The following HSP90B1 variants were observed in gnomAD, a reference collection of about 807,000 sequenced individuals.
HSP90B1 encodes the protein endoplasmin.
HSP90B1 carries 27 observed loss-of-function variants against 100.4 expected under a neutral mutation model. The ratio of observed to expected loss-of-function variants is 0.27; its 90% CI spans 0.20 to 0.37. HSP90B1 has a LOEUF of 0.37. Among genes scored for constraint, HSP90B1 ranks in the 10% least tolerant of loss-of-function variants. HSP90B1 has a pLI of 1.00. For missense variants in HSP90B1, 678 were observed against 960.5 expected (o/e 0.71, Z 3.89); for synonymous variants, 304 against 330.8 (o/e 0.92, Z 0.88).
At position 103,942,563 on chromosome 12, in the gene HSP90B1, A is replaced by G. The variant is rs778817387; in HGVS notation, c.1411A>G (p.Met471Val). 8 of 1,613,872 alleles carry G rather than the reference A, an allele frequency of 5.0e-6. No homozygotes were observed. The highest frequency in any genetic ancestry group is 2.2e-5 in the East Asian group (1 of 44,896). ...RKKLVRKTLD[M>V]IKKIADDKYN... is the part of the protein sequence containing the mutation. Reference sequence around the variant, plus strand: ...GAAGCTTGTTCGTAAAACGCTGGACATGATCAAGAAGATTGCTGATGATAA... The same window carrying G: ...GAAGCTTGTTCGTAAAACGCTGGACGTGATCAAGAAGATTGCTGATGATAA... Residue 471 changes from methionine to valine, a missense_variant, in exon 12 of 18, where the codon ATG becomes GTG. Physicochemically the swap from Met to Val is conservative, Grantham distance 21. This residue lies in a region of HSP90B1 where 170 missense variants were observed against 236.7 expected (regional missense o/e 0.72). Coordinates refer to ENST00000299767, the MANE Select transcript of HSP90B1 (RefSeq NM_003299.3).
At position 103,933,987 on chromosome 12, in the gene HSP90B1, C is replaced by G; in HGVS notation, c.443C>G (p.Thr148Arg). The change falls in exon 5 of 18, where the codon ACA becomes AGA. Residue 148 changes from threonine to arginine, a missense_variant. This residue lies in a region of HSP90B1 where 238 missense variants were observed against 346.7 expected (regional missense o/e 0.69). Transcript: ENST00000299767. ...AAGGAGAAGAACCTGCTGCATGTCA[C>G]AGACACCGGTGTAGGAATGACCAGA... ...CDKEKNLLHV[T>R]DTGVGMTREE... is the part of the protein sequence containing the mutation. 1.2e-6 allele frequency: 2 copies of G among 1,613,936 alleles called. No individual in the cohort carries two copies. The highest frequency in any genetic ancestry group is 1.1e-5 in the South Asian group (1 of 91,080).
intron 2 of HSP90B1, chr12:103,932,067 A>AT (rs1555270982): frequency 2.0e-6 from 1 of 499,204 alleles, no homozygotes; most frequent in Non-Finnish European, 3.5e-6. Flanking sequence ...TTTTCTGGCA[A>AT]TTTTAAGAAC....
intron 5 of HSP90B1, among the ~76,000 whole-genome samples, chr12:103,935,773 C>G (rs3794239): frequency 0.064 from 9,709 of 152,188 alleles, 421 homozygotes; most frequent in East Asian, 0.18. Context: ...CAATCATTCC[C>G]AAGGAAAGAT....
Position 103,932,379 on chromosome 12 carries a change from G to A in HSP90B1, c.255G>A (p.Met85Ile), listed in dbSNP as rs770047423. Reference protein sequence around the residue: ...KFAFQAEVNRMMKLIINSLYK... With the variant: ...KFAFQAEVNRIMKLIINSLYK... ...CCTTCCAAGCCGAAGTTAACAGAAT[G>A]ATGAAACTTATCATCAATTCATTGT... The change falls in exon 3 of 18, where the codon ATG (methionine) becomes ATA (isoleucine). Residue 85 changes from methionine to isoleucine, a missense_variant. Around this residue, in one of 8 missense-constraint regions of HSP90B1, gnomAD observed 238 missense variants for 346.7 expected, o/e 0.69. Coordinates refer to ENST00000299767, the MANE Select transcript of HSP90B1 (RefSeq NM_003299.3). 3 of 1,612,646 alleles carry A rather than the reference G, an allele frequency of 1.9e-6. No homozygotes were observed. The highest frequency in any genetic ancestry group is 1.3e-5 in the African/African-American group (1 of 74,862).
rs748475361 is a variant in HSP90B1 at position 103,941,609 on chromosome 12, CT to C, written c.1231-12del. 8.1e-6 allele frequency: 13 copies of C among 1,612,514 alleles called. No homozygotes were observed. The highest frequency in any genetic ancestry group is 2.2e-5 in the South Asian group (2 of 90,996). On this transcript the variant is annotated intron_variant, in intron 9 of 17. Transcript: ENST00000299767. The stretch of plus-strand genomic sequence containing the variant: ...TGAAAGTTTAATTTCCAGAAAGTGA[CT>C]TTTTTTTGGTCTCTTTAGCTCTATG...
In HSP90B1 at chr12:103,942,745, G is replaced by A; in HGVS notation, c.1593G>A (p.Met531Ile). Reference protein sequence around the residue: ...ITSLDQYVERMKEKQDKIYFM... With the variant: ...ITSLDQYVERIKEKQDKIYFM... ...GCCTAGACCAGTATGTGGAAAGAAT[G>A]AAGGAAAAACAAGACAAAATCTACT... The change falls in exon 12 of 18, where the codon ATG becomes ATA. Residue 531 changes from methionine (M) to isoleucine (I), a missense_variant. By Grantham distance (10) the Met-to-Ile change is conservative. Around this residue, in one of 8 missense-constraint regions of HSP90B1, gnomAD observed 170 missense variants for 236.7 expected, o/e 0.72. Transcript: ENST00000299767. 6.2e-7 allele frequency: 1 copy of A among 1,613,882 alleles called. No homozygotes were observed. The highest frequency in any genetic ancestry group is 1.1e-5 in the South Asian group (1 of 91,068).
chr12:103,932,301 T>G lies in HSP90B1; in HGVS notation c.177T>G (p.Asp59Glu), dbSNP rs766878694. ...GAGAGGAAGAAGCTATTCAGTTGGA[T>G]GGATTAAATGCATCACAAATAAGAG... ...VQREEEAIQLDGLNASQIREL... is the reference protein window; with the variant it reads ...VQREEEAIQLEGLNASQIREL... The change falls in exon 3 of 18, where the codon GAT becomes GAG. Residue 59 changes from aspartate to glutamate, a missense_variant. By Grantham distance (45) the Asp-to-Glu change is conservative. Around this residue, in one of 8 missense-constraint regions of HSP90B1, gnomAD observed 88 missense variants for 88.2 expected, o/e 1.00. Transcript: ENST00000299767. The G allele has an allele frequency of 6.2e-7, 1 of 1,611,966 alleles. No homozygotes were observed. The highest frequency in any genetic ancestry group is 1.1e-5 in the South Asian group (1 of 90,600).
chr12:103,931,680 C>A (rs773550696), intron 2 of HSP90B1, 57 bp downstream of exon 2: 32 of 1,225,564 alleles, frequency 2.6e-5, no homozygotes, highest in Non-Finnish European at 3.8e-5. Context: ...TTGTGAGTTA[C>A]GGTCACTTCT....
At position 103,943,386 on chromosome 12, in the gene HSP90B1, CA is replaced by C; in HGVS notation, c.1890+70del. 4 of 1,446,028 alleles carry C rather than the reference CA, an allele frequency of 2.8e-6. No individual in the cohort carries two copies. The highest frequency in any genetic ancestry group is 3.9e-6 in the Non-Finnish European group (4 of 1,037,530). The allele number at this position is 1,446,028 out of a possible 1,614,324, so 89.6% of individuals were successfully genotyped here. On this transcript the variant is annotated intron_variant, in intron 13 of 17. Coordinates refer to ENST00000299767, the MANE Select transcript of HSP90B1 (RefSeq NM_003299.3). This position sits in a 1 kb window ranked among gnomAD's most constrained non-coding sequence, Gnocchi z 5.3. ...ATTTAAGAGAAAGTTATTTTGTGAA[CA>C]AATTAAGCTGCAGCTGGTTACTTTG...
At chr12:103,931,860 T>TTTA in intron 2 of HSP90B1, 1 of 537,322 alleles carries the variant, frequency 1.9e-6, no homozygotes, top group Non-Finnish European at 3.4e-6. Context: ...TTTGTAAGAC[T>TTTA]TTATAGAAGA....
rs1458843568 is a variant in HSP90B1 at position 103,943,158 on chromosome 12, A to T, written c.1729A>T (p.Ile577Phe). Residue 577 changes from isoleucine (I) to phenylalanine (F), a missense_variant, in exon 13 of 18, where the codon ATT (isoleucine) becomes TTT (phenylalanine). By Grantham distance (21) the Ile-to-Phe change is conservative. Around this residue, in one of 8 missense-constraint regions of HSP90B1, gnomAD observed 170 missense variants for 236.7 expected, o/e 0.72. Transcript: ENST00000299767. This position sits in a 1 kb window ranked among gnomAD's most constrained non-coding sequence, Gnocchi z 5.3. ...YLTEPVDEYC[I>F]QALPEFDGKR... ...CACAGAACCTGTGGATGAATACTGT[A>T]TTCAGGCCCTTCCCGAATTTGATGG... 2 of 1,614,190 alleles carry T rather than the reference A, an allele frequency of 1.2e-6. No homozygotes were observed. Among genetic ancestry groups the T allele is most frequent in the African/African-American group, 1.3e-5 (1 of 75,062 alleles).
At position 103,931,643 on chromosome 12, in the gene HSP90B1, T is replaced by TA; in HGVS notation, c.152+21dup. On this transcript the variant is annotated intron_variant, in intron 2 of 17. Coordinates refer to ENST00000299767, the MANE Select transcript of HSP90B1 (RefSeq NM_003299.3). Reference sequence around the variant, plus strand: ...ACAGAGGTTTGTGTTCATTTGAACTTACGTATACAGATAAGCCGTGTGAAC... The same window carrying TA: ...ACAGAGGTTTGTGTTCATTTGAACTTAACGTATACAGATAAGCCGTGTGAAC... The TA allele has an allele frequency of 6.5e-7, 1 of 1,535,826 alleles. No individual in the cohort carries two copies.
intron 5 of HSP90B1, 53 bp downstream of exon 5, chr12:103,934,340 C>A: frequency 1.5e-6 from 2 of 1,352,560 alleles, no homozygotes. Context: ...AGGATCTTGA[C>A]TCTCCAGTTC....
rs946610014 is a variant in HSP90B1 at position 103,930,499 on chromosome 12, C to G, written c.-17C>G. 1.2e-6 allele frequency: 2 copies of G among 1,601,528 alleles called. No homozygotes were observed. Among genetic ancestry groups the G allele is most frequent in the Non-Finnish European group, 1.7e-6 (2 of 1,174,138 alleles). ...TCCTGCGATCGAAGGGGACTTGAGA[C>G]TCACCGGCCGCACGCCATGAGGGCC... On this transcript the variant is annotated 5_prime_UTR_variant, in exon 1 of 18. Coordinates refer to ENST00000299767, the MANE Select transcript of HSP90B1 (RefSeq NM_003299.3). This position sits in a 1 kb window ranked among gnomAD's most constrained non-coding sequence, Gnocchi z 4.4.
rs754755916 is a variant in HSP90B1, at chr12:103,943,236, A to G, written c.1807A>G (p.Lys603Glu). 3 of 1,614,208 alleles carry G rather than the reference A, an allele frequency of 1.9e-6. No individual in the cohort carries two copies. Among genetic ancestry groups the G allele is most frequent in the South Asian group, 1.1e-5 (1 of 91,084 alleles). The change falls in exon 13 of 18, where the codon AAA becomes GAA. Residue 603 changes from lysine to glutamate, a missense_variant. This residue lies in a region of HSP90B1 where 170 missense variants were observed against 236.7 expected (regional missense o/e 0.72). Transcript: ENST00000299767. This position sits in a 1 kb window ranked among gnomAD's most constrained non-coding sequence, Gnocchi z 5.3. ...KEGVKFDESEKTKESREAVEK... is the reference protein window; with the variant it reads ...KEGVKFDESEETKESREAVEK... ...AGGAGTGAAGTTCGATGAAAGTGAG[A>G]AAACTAAGGAGAGTCGTGAAGCAGT...
chr12:103,938,581 G>A, intron 7 of HSP90B1, 122 bp downstream of exon 7: 2 of 1,089,470 alleles, frequency 1.8e-6, no homozygotes, highest in South Asian at 3.4e-5. Context: ...AGTCCATGGA[G>A]CCAGCTTTTA....
chr12:103,946,521 C>T (rs1449113159), intron 14 of HSP90B1, 97 bp from the exon 15 acceptor site: 8 of 816,388 alleles, frequency 9.8e-6, no homozygotes, highest in African/African-American at 1.8e-5. Flanking sequence ...TTTTTTTTTA[C>T]CAAGAGTTGT....
Position 103,931,796 on chromosome 12 carries a change from A to G in HSP90B1, c.152+173A>G, listed in dbSNP as rs1309210789. The G allele has an allele frequency of 4.1e-5, 27 of 663,420 alleles. No homozygotes were observed. In the East Asian group the frequency reaches 7.6e-4, roughly 19 times the overall value. 41.1% of individuals were successfully genotyped at this position (663,420 alleles called of 1,614,324 possible). A position where few individuals can be genotyped will look rare whatever the true frequency, so the allele number is the denominator to read the frequency against. On this transcript the variant is annotated intron_variant, in intron 2 of 17. Transcript: ENST00000299767. ...TCCTAACTTGTCCCTAGGAGTGATG[A>G]AAACTGAGTGAATTCCTTTGAAAAC...
rs1396280228 is a variant in HSP90B1, at chr12:103,942,740, A to C, written c.1588A>C (p.Arg530=). The C allele has an allele frequency of 1.2e-6, 2 of 1,613,984 alleles. No homozygotes were observed. Among genetic ancestry groups the C allele is most frequent in the Non-Finnish European group, 1.7e-6 (2 of 1,179,844 alleles). The change falls in exon 12 of 18, where the codon AGA becomes CGA. Residue 530 remains arginine, a synonymous_variant. Transcript: ENST00000299767. ...DITSLDQYVE[R]MKEKQDKIYF... ...TACTAGCCTAGACCAGTATGTGGAA[A>C]GAATGAAGGAAAAACAAGACAAAAT... is the stretch of plus-strand genomic sequence containing the variant.
Sources: gnomAD v4.1 joint callset for allele counts (sites outside exome capture counted in the v4.1 genomes callset) on GRCh38, gnomAD v4.1.1 for gene constraint, gnomAD v4.1.1 regional missense constraint, Gnocchi (gnomAD v3.1) non-coding constraint, MANE v1.5 for transcripts, NCBI Gene and HGNC (gene_info 2026-07-23, HGNC 2026-07-21) for gene names.